The following LPGAT1 variants were observed in gnomAD, a reference collection of about 807,000 sequenced individuals.
LPGAT1 encodes lysophosphatidylglycerol acyltransferase 1.
Under a neutral mutation model 47.5 loss-of-function variants are expected in LPGAT1, and 11 were observed. The observed-to-expected ratio is 0.23, with a 90% CI of 0.15 to 0.38. The LOEUF (loss-of-function observed/expected upper bound fraction) is 0.38. Among genes scored for constraint, LPGAT1 ranks in the 10% least tolerant of loss-of-function variants. The pLI, the probability that LPGAT1 is intolerant of heterozygous loss-of-function variation, is 1.00. For synonymous variants in LPGAT1, 138 were observed against 144.2 expected (o/e 0.96, Z 0.31); for missense variants, 293 against 439.0 (o/e 0.67, Z 2.97).
chr1:211,752,750 T>C (rs1657256974), intron 6 of LPGAT1, among the ~76,000 whole-genome samples: 1 of 152,228 alleles, frequency 6.6e-6, no homozygotes, highest in Admixed American at 6.5e-5. Context: ...ACCTTTTCTA[T>C]ATAAACAACC....
At chr1:211,776,552 G>A (rs1251261425) in intron 6 of LPGAT1, among the ~76,000 whole-genome samples, 1 of 152,052 alleles carries the variant, frequency 6.6e-6, no homozygotes, top group Non-Finnish European at 1.5e-5. Context: ...CAATAGTACT[G>A]ACTTGCCCAG....
chr1:211,756,883 T>C (rs1286803113), intron 6 of LPGAT1, among the ~76,000 whole-genome samples: 1 of 151,564 alleles, frequency 6.6e-6, no homozygotes, highest in African/African-American at 2.4e-5. Flanking sequence ...CTCTTTTTTT[T>C]TTTTTCCACA....
chr1:211,768,699 G>T (rs1346270239), intron 6 of LPGAT1, among the ~76,000 whole-genome samples: 1 of 152,178 alleles, frequency 6.6e-6, no homozygotes, highest in Non-Finnish European at 1.5e-5. Flanking sequence ...TCTATGAAAT[G>T]AGCTTTGAAT....
In LPGAT1 at chr1:211,761,190, G is replaced by A. The variant is rs1371611744; in HGVS notation, c.855-10123C>T. On this transcript the variant is annotated intron_variant, in intron 6 of 7. Transcript: ENST00000366997. The stretch of plus-strand genomic sequence containing the variant: ...CACTTGCAGGAATCCTCTCACCAAG[G>A]GAAAGGATTATCTAGCTTTTCTTTA... Among the ~76,000 whole-genome samples the A allele has an allele frequency of 2.0e-5, 3 of 152,190 alleles. No individual in the cohort carries two copies. In the East Asian group the frequency reaches 5.8e-4, roughly 29 times the overall value.
chr1:211,763,024 A>G (rs1281739590), intron 6 of LPGAT1, among the ~76,000 whole-genome samples: 2 of 152,260 alleles, frequency 1.3e-5, no homozygotes, highest in Non-Finnish European at 2.9e-5. Flanking sequence ...AACAACCAGA[A>G]TATGATAAAT....
chr1:211,750,093 G>A (rs11585946), intron 7 of LPGAT1, 43 bp from the exon 8 acceptor site: 141,015 of 1,556,958 alleles, frequency 0.091, 7,201 homozygotes, highest in Middle Eastern at 0.13. Context: ...TACTGTAATG[G>A]TAGGTCTCCT....
chr1:211,809,563 G>T (rs531967008), intron 2 of LPGAT1, among the ~76,000 whole-genome samples: 1 of 152,064 alleles, frequency 6.6e-6, no homozygotes, highest in African/African-American at 2.4e-5. Flanking sequence ...CCCATGTGTC[G>T]TGGGAGGGAC....
chr1:211,823,785 T>C (rs904972653), intron 2 of LPGAT1, among the ~76,000 whole-genome samples: 1 of 151,496 alleles, frequency 6.6e-6, no homozygotes, highest in Non-Finnish European at 1.5e-5. Context: ...AAACTTTTTT[T>C]AAATTAAAAA....
chr1:211,790,974 T>C (rs987282089), intron 3 of LPGAT1, among the ~76,000 whole-genome samples: 4 of 152,162 alleles, frequency 2.6e-5, no homozygotes, highest in Non-Finnish European at 2.9e-5. Context: ...TTCTCTTTTA[T>C]AGAAAGCCAA....
chr1:211,799,560 G>A (rs751136236), intron 2 of LPGAT1, among the ~76,000 whole-genome samples: 2 of 152,174 alleles, frequency 1.3e-5, no homozygotes, highest in African/African-American at 2.4e-5. Context: ...TTAAGGACAG[G>A]AACTTGGATA....
At chr1:211,788,881 T>C (rs1029287816) in intron 3 of LPGAT1, among the ~76,000 whole-genome samples, 9 of 152,082 alleles carry the variant, frequency 5.9e-5, no homozygotes, top group Admixed American at 3.9e-4. Context: ...AAGAACCAAC[T>C]GATGTGAACC....
At chr1:211,769,636 A>G (rs1172876175) in intron 6 of LPGAT1, among the ~76,000 whole-genome samples, 2 of 152,192 alleles carry the variant, frequency 1.3e-5, no homozygotes, top group African/African-American at 4.8e-5. Flanking sequence ...TTATTTCTTA[A>G]TTATACGGTA....
intron 2 of LPGAT1, among the ~76,000 whole-genome samples, chr1:211,827,106 C>G (rs571770816): frequency 6.6e-5 from 10 of 152,284 alleles, no homozygotes; most frequent in African/African-American, 2.2e-4. Context: ...TGACCAGGCT[C>G]TCTGAAATCA....
At chr1:211,775,168 C>T (rs1463537257) in intron 6 of LPGAT1, among the ~76,000 whole-genome samples, 1 of 152,028 alleles carries the variant, frequency 6.6e-6, no homozygotes, top group Non-Finnish European at 1.5e-5. Context: ...AAAATAAAAT[C>T]TAGCCAGGCG....
chr1:211,788,834 GT>G (rs1201634312), intron 3 of LPGAT1, among the ~76,000 whole-genome samples: 1 of 152,018 alleles, frequency 6.6e-6, no homozygotes, highest in Non-Finnish European at 1.5e-5. Flanking sequence ...CTCTACTTTG[GT>G]TTCCCAGGGG....
intron 3 of LPGAT1, 99 bp from the exon 4 acceptor site, chr1:211,787,826 TTTAA>T: frequency 1.5e-6 from 1 of 663,572 alleles, no homozygotes; most frequent in South Asian, 2.1e-5. Context: ...CAAGCATACT[TTTAA>T]TTAACCAAAA....
At chr1:211,778,695 G>A (rs1040909201) in intron 6 of LPGAT1, among the ~76,000 whole-genome samples, 1 of 152,080 alleles carries the variant, frequency 6.6e-6, no homozygotes, top group Non-Finnish European at 1.5e-5. Flanking sequence ...AAAGTGTCAG[G>A]CAACCGAATA....
intron 6 of LPGAT1, among the ~76,000 whole-genome samples, chr1:211,761,797 G>A (rs547032549): frequency 6.6e-6 from 1 of 152,240 alleles, no homozygotes; most frequent in South Asian, 2.1e-4. Context: ...ACAACTTATT[G>A]TTTCTAACAC....
chr1:211,770,559 C>T (rs990899419), intron 6 of LPGAT1, among the ~76,000 whole-genome samples: 2 of 152,108 alleles, frequency 1.3e-5, no homozygotes, highest in Non-Finnish European at 1.5e-5. Context: ...CAATGGTTCC[C>T]GTAGATTATA....
Sources: gnomAD v4.1 joint callset for allele counts (sites outside exome capture counted in the v4.1 genomes callset) on GRCh38, gnomAD v4.1.1 for gene constraint, MANE v1.5 for transcripts, NCBI Gene and HGNC (gene_info 2026-07-23, HGNC 2026-07-21) for gene names.